Variants in NSUN6 observed in about 807,000 individuals in gnomAD.
NSUN6 encodes tRNA (cytosine(72)-C(5))-methyltransferase NSUN6.
A neutral mutation model predicts 58.0 loss-of-function variants in NSUN6; 64 were observed. That is an observed-to-expected ratio of 1.10 (90% CI 0.90 to 1.36). The LOEUF (loss-of-function observed/expected upper bound fraction) is 1.36. Ranked by LOEUF, NSUN6 falls within the 40% of genes most tolerant of loss-of-function variation. The pLI is 0.00. For synonymous variants in NSUN6, 231 were observed against 193.9 expected (o/e 1.19, Z -1.59); for missense variants, 701 against 550.1 (o/e 1.27, Z -2.74).
chr10:18,559,568 G>A (rs566606830), intron 8 of NSUN6, among the ~76,000 whole-genome samples: 1 of 148,470 alleles, frequency 6.7e-6, no homozygotes, highest in Non-Finnish European at 1.5e-5. Flanking sequence ...TGAATGGAAT[G>A]GAGAATGCAA....
At position 18,567,488 on chromosome 10, in the gene NSUN6, C is replaced by T. The variant is rs139621382; in HGVS notation, c.923-15517G>A. Among the ~76,000 whole-genome samples the T allele has an allele frequency of 5.5e-3, 831 of 151,080 alleles. 7 individuals carry two copies. The highest frequency in any genetic ancestry group is 0.016 in the African/African-American group (678 of 41,236). On this transcript the variant is annotated intron_variant, in intron 8 of 10. Coordinates refer to ENST00000377304, the MANE Select transcript of NSUN6 (RefSeq NM_182543.5). ...CCATTCTCCATACCATCCTCCATTCCATTCCATTCTCCATTCCATTCTATT... is the reference window on the plus strand; with the variant it reads ...CCATTCTCCATACCATCCTCCATTCTATTCCATTCTCCATTCCATTCTATT...
intron 8 of NSUN6, among the ~76,000 whole-genome samples, chr10:18,559,679 G>A (rs2055330677): frequency 6.6e-6 from 1 of 151,030 alleles, no homozygotes; most frequent in Non-Finnish European, 1.5e-5. Context: ...AATGTGAAAT[G>A]TAATGCATTG....
In NSUN6 at chr10:18,614,510, C is replaced by A; in HGVS notation, c.525G>T (p.Gly175=). 6.4e-7 allele frequency: 1 copy of A among 1,570,012 alleles called. No homozygotes were observed. The highest frequency in any genetic ancestry group is 8.6e-7 in the Non-Finnish European group (1 of 1,160,678). ...FDGTKVFLGN[G]ISELSRKEIF... Reference sequence around the variant, plus strand: ...TTTCTTTGCGGCTTAGTTCAGAAATCCCATTTCCAAGAAATACTTTTGTTC... The same window carrying A: ...TTTCTTTGCGGCTTAGTTCAGAAATACCATTTCCAAGAAATACTTTTGTTC... The change falls in exon 5 of 11, where the codon GGG becomes GGT. Residue 175 remains glycine (G), a synonymous_variant. Coordinates refer to ENST00000377304, the MANE Select transcript of NSUN6 (RefSeq NM_182543.5).
At chr10:18,607,842 AACT>A (rs1431908837) in intron 6 of NSUN6, among the ~76,000 whole-genome samples, 2 of 152,210 alleles carry the variant, frequency 1.3e-5, no homozygotes, top group Non-Finnish European at 2.9e-5. Flanking sequence ...ATCACTGAAA[AACT>A]ACTAATACCT....
chr10:18,575,249 G>A (rs1293080875), intron 8 of NSUN6, among the ~76,000 whole-genome samples: 3 of 152,122 alleles, frequency 2.0e-5, no homozygotes, highest in Admixed American at 6.6e-5. Context: ...TAGTTGCTTA[G>A]TATATAAGAA....
At chr10:18,589,218 G>GA (rs2057286956) in intron 7 of NSUN6, among the ~76,000 whole-genome samples, 1 of 152,086 alleles carries the variant, frequency 6.6e-6, no homozygotes, top group South Asian at 2.1e-4. Context: ...CAAGATTAGA[G>GA]AAAAAACAAT....
At chr10:18,622,545 C>A (rs1056737124) in intron 3 of NSUN6, among the ~76,000 whole-genome samples, 2 of 152,190 alleles carry the variant, frequency 1.3e-5, no homozygotes, top group Non-Finnish European at 2.9e-5. Context: ...GAAACCCTGT[C>A]TCTACTAAAA....
chr10:18,641,503 C>A lies in NSUN6; in HGVS notation c.311+973G>T, dbSNP rs996500784. 1.3e-5 allele frequency among the ~76,000 whole-genome samples: 2 copies of A among 151,608 alleles called. 1 individual carries two copies. Among genetic ancestry groups the A allele is most frequent in the East Asian group, 3.9e-4 (2 of 5,162 alleles). On this transcript the variant is annotated intron_variant, in intron 3 of 10. Transcript: ENST00000377304. ...ACCTCAGCCTCCTGAATAGCCGTGA[C>A]GACAGGTAAGCACCACCATACCCAG...
rs62648395 is a variant in NSUN6 at position 18,552,958 on chromosome 10, A to C, written c.923-987T>G. On this transcript the variant is annotated intron_variant, in intron 8 of 10. Coordinates refer to ENST00000377304, the MANE Select transcript of NSUN6 (RefSeq NM_182543.5). ...TCCATTCTCCACTCAATTCTCCATT[A>C]CATTCCATTCTCCATTCCATTCCAT... is the stretch of plus-strand genomic sequence containing the variant. Among the ~76,000 whole-genome samples, 689 of 139,536 alleles carry C rather than the reference A, an allele frequency of 4.9e-3. 9 individuals carry two copies. The highest frequency in any genetic ancestry group is 0.02 in the Admixed American group (293 of 14,314). 91.5% of individuals were successfully genotyped at this position (139,536 alleles called of 152,430 possible). A position where few individuals can be genotyped will look rare whatever the true frequency, so the allele number is the denominator to read the frequency against.
chr10:18,581,146 A>G (rs1284079422), intron 8 of NSUN6, among the ~76,000 whole-genome samples: 1 of 151,802 alleles, frequency 6.6e-6, no homozygotes, highest in Non-Finnish European at 1.5e-5. Flanking sequence ...TTGGGAGGGG[A>G]GCGTGCACAG....
At chr10:18,555,146 AATGGAATGGAGG>A (rs1293308308) in intron 8 of NSUN6, among the ~76,000 whole-genome samples, 8 of 150,582 alleles carry the variant, frequency 5.3e-5, no homozygotes, top group Non-Finnish European at 1.2e-4. Context: ...TGTAATGGAG[AATGGAATGGAGG>A]ATGGAATGGA....
At chr10:18,652,251 A>T, upstream of NSUN6, 1 of 984,520 alleles carries the variant, frequency 1.0e-6, no homozygotes, top group Non-Finnish European at 1.2e-6. Flanking sequence ...TAAGCAGACA[A>T]GGATATAGAT....
intron 8 of NSUN6, among the ~76,000 whole-genome samples, chr10:18,569,698 C>A (rs1195769198): frequency 1.3e-5 from 2 of 151,202 alleles, no homozygotes; most frequent in African/African-American, 4.8e-5. Flanking sequence ...TTTCTCCATT[C>A]CACTCTCCAT....
At chr10:18,584,469 T>G (rs535888239) in intron 8 of NSUN6, among the ~76,000 whole-genome samples, 2 of 152,330 alleles carry the variant, frequency 1.3e-5, no homozygotes, top group African/African-American at 4.8e-5. Flanking sequence ...ATCAGGTTTT[T>G]GGTTACAATC....
chr10:18,645,759 G>C (rs2059528632), intron 2 of NSUN6, among the ~76,000 whole-genome samples: 1 of 152,134 alleles, frequency 6.6e-6, no homozygotes, highest in Non-Finnish European at 1.5e-5. Flanking sequence ...TGGAATTGCT[G>C]GGTTTTAGAG....
At chr10:18,625,727 A>ATT (rs2058775054) in intron 3 of NSUN6, among the ~76,000 whole-genome samples, 2 of 147,764 alleles carry the variant, frequency 1.4e-5, no homozygotes, top group Admixed American at 6.7e-5. Context: ...TTTTAAAAAA[A>ATT]AAAAAAAAAA....
intron 3 of NSUN6, among the ~76,000 whole-genome samples, chr10:18,636,657 G>A (rs1159337500): frequency 1.3e-5 from 2 of 152,042 alleles, no homozygotes; most frequent in East Asian, 3.9e-4. Flanking sequence ...ACTTTGGGAG[G>A]TGGAGGCGGG....
intron 8 of NSUN6, among the ~76,000 whole-genome samples, chr10:18,572,734 C>G (rs183037550): frequency 3.3e-5 from 5 of 150,090 alleles, no homozygotes; most frequent in African/African-American, 1.2e-4. Flanking sequence ...ATTCCACATC[C>G]TCCTTTCAAT....
chr10:18,593,571 G>A (rs914505976), intron 7 of NSUN6, among the ~76,000 whole-genome samples: 3 of 152,074 alleles, frequency 2.0e-5, no homozygotes, highest in African/African-American at 7.2e-5. Context: ...CATGGATGAA[G>A]CTGGAAGTTA....
Sources: gnomAD v4.1 joint callset for allele counts (sites outside exome capture counted in the v4.1 genomes callset) on GRCh38, gnomAD v4.1.1 for gene constraint, MANE v1.5 for transcripts, NCBI Gene and HGNC (gene_info 2026-07-23, HGNC 2026-07-21) for gene names.